N4BP2L1: variants seen among roughly 807,000 people sequenced by gnomAD.
N4BP2L1 encodes NEDD4 binding protein 2 like 1.
In N4BP2L1, 12 loss-of-function variants were observed where a neutral mutation model predicts 21.2. The ratio of observed to expected loss-of-function variants is 0.57; its 90% CI spans 0.36 to 0.92. The LOEUF (loss-of-function observed/expected upper bound fraction) is 0.92, where lower values mean the gene tolerates loss of function less well. Among genes scored for constraint, N4BP2L1 ranks in the 40% least tolerant of loss-of-function variants. N4BP2L1 has a pLI of 0.01. For missense variants in N4BP2L1, 259 were observed against 310.6 expected, an observed-to-expected ratio of 0.83 and a Z score of 1.25; for synonymous variants, 104 against 112.8, an observed-to-expected ratio of 0.92 and a Z score of 0.49.
intron 3 of N4BP2L1, 85 bp downstream of exon 3, chr13:32,407,165 C>A (rs1290403732): frequency 7.5e-7 from 1 of 1,335,632 alleles, no homozygotes; most frequent in Non-Finnish European, 1.1e-6. Context: ...AATCATGGAA[C>A]ATCAGAAAAA....
intron 4 of N4BP2L1, 171 bp downstream of exon 4, chr13:32,404,150 A>G (rs1404913695): frequency 1.2e-6 from 2 of 1,609,060 alleles, no homozygotes; most frequent in African/African-American, 2.7e-5. Context: ...AACTGACCCA[A>G]AACTAAAGTC....
At chr13:32,407,595 A>G in intron 2 of N4BP2L1, 50 bp downstream of exon 2, 1 of 1,608,716 alleles carries the variant, frequency 6.2e-7, no homozygotes, top group Non-Finnish European at 8.5e-7. Context: ...AGCAGCTACA[A>G]TCTATGTGCA....
chr13:32,415,215 C>T (rs1428805143), intron 1 of N4BP2L1, among the ~76,000 whole-genome samples: 2 of 152,110 alleles, frequency 1.3e-5, no homozygotes, highest in African/African-American at 4.8e-5. Flanking sequence ...TCCTAGTGGC[C>T]ACTGCAGGGC....
intron 1 of N4BP2L1, among the ~76,000 whole-genome samples, chr13:32,414,890 A>G (rs1277254536): frequency 1.3e-5 from 2 of 152,196 alleles, no homozygotes; most frequent in Non-Finnish European, 1.5e-5. Flanking sequence ...GCTCTTGCAG[A>G]TCTGAGAAAG....
chr13:32,403,012 C>T lies in N4BP2L1; in HGVS notation c.662G>A (p.Arg221Gln), dbSNP rs540784451. Residue 221 changes from arginine to glutamine, a missense_variant, in exon 5 of 5, where the codon CGG becomes CAG. Transcript: ENST00000380130. ...YWNSYTEFPN[R>Q]RAHGGFTNES... ...ATTTGTAAATCCACCGTGGGCCCTC[C>T]GGTTTGGAAACTCTGTGTAGGAATT... 41 of 1,614,092 alleles carry T rather than the reference C, an allele frequency of 2.5e-5. No homozygotes were observed. The African/African-American group carries it at 2.7e-4, about 10-fold the overall frequency.
At chr13:32,426,402 C>A (rs1201562029) in intron 1 of N4BP2L1, among the ~76,000 whole-genome samples, 1 of 152,158 alleles carries the variant, frequency 6.6e-6, no homozygotes, top group Non-Finnish European at 1.5e-5. Context: ...CTCCCCGACT[C>A]TGCCTCTGTC....
intron 1 of N4BP2L1, chr13:32,411,610 T>C: frequency 1.0e-6 from 1 of 985,178 alleles, no homozygotes; most frequent in Non-Finnish European, 1.2e-6. Flanking sequence ...ATTAGGGAAA[T>C]TGAGAGAATG....
At chr13:32,410,989 C>G (rs1014535300) in intron 1 of N4BP2L1, among the ~76,000 whole-genome samples, 4 of 152,132 alleles carry the variant, frequency 2.6e-5, no homozygotes, top group Non-Finnish European at 1.5e-5. Context: ...CCCTTATCTG[C>G]TCTTGTTTTC....
At chr13:32,407,587 C>T in intron 2 of N4BP2L1, 58 bp downstream of exon 2, 2 of 1,607,418 alleles carry the variant, frequency 1.2e-6, no homozygotes, top group Non-Finnish European at 1.7e-6. Context: ...CATTCTGCAG[C>T]AGCTACAATC....
intron 1 of N4BP2L1, among the ~76,000 whole-genome samples, chr13:32,420,177 C>T (rs1593299184): frequency 6.6e-6 from 1 of 152,270 alleles, no homozygotes; most frequent in South Asian, 2.1e-4. Context: ...TTCATGAGGT[C>T]CAAAGCCAGG....
In N4BP2L1 at chr13:32,400,877, G is replaced by A. The variant is rs984411795; in HGVS notation, c.*2065C>T. On this transcript the variant is annotated 3_prime_UTR_variant, in exon 5 of 5. Coordinates refer to ENST00000380130, the MANE Select transcript of N4BP2L1 (RefSeq NM_052818.3). ...AGAGTTACACAAATCAGAAGCCATG[G>A]GAGTTGAAAAACAGATCACTTCTAC... The A allele has an allele frequency of 6.6e-6, 1 of 152,192 alleles. No homozygotes were observed. Among genetic ancestry groups the A allele is most frequent in the Admixed American group, 6.5e-5 (1 of 15,278 alleles). The allele number at this position is 152,192 out of a possible 1,614,324, so 9.4% of individuals were successfully genotyped here.
chr13:32,424,874 T>C (rs1011639626), intron 1 of N4BP2L1: 2 of 152,172 alleles, frequency 1.3e-5, no homozygotes, highest in African/African-American at 4.8e-5. Flanking sequence ...TATGAAAACA[T>C]GTAAAAAGCA....
In N4BP2L1 at chr13:32,401,048, TCTC is replaced by T. The variant is rs1300405405; in HGVS notation, c.*1891_*1893del. The T allele has an allele frequency of 1.3e-5, 2 of 152,116 alleles. No homozygotes were observed. Among genetic ancestry groups the T allele is most frequent in the East Asian group, 3.9e-4 (2 of 5,192 alleles). The allele number at this position is 152,116 out of a possible 1,614,324, so 9.4% of individuals were successfully genotyped here. ...AAAAGTTATGTAACCCAGAGCCACT[TCTC>T]CATAGTGGTCACTCACTTAACCCAA... is the stretch of plus-strand genomic sequence containing the variant. On this transcript the variant is annotated 3_prime_UTR_variant, in exon 5 of 5. Transcript: ENST00000380130.
At chr13:32,421,305 C>A (rs1023661683) in intron 1 of N4BP2L1, among the ~76,000 whole-genome samples, 1 of 152,110 alleles carries the variant, frequency 6.6e-6, no homozygotes, top group Non-Finnish European at 1.5e-5. Flanking sequence ...GAAAAGAAAG[C>A]CAAGGTACAA....
At chr13:32,409,001 G>T (rs569766297) in intron 1 of N4BP2L1, among the ~76,000 whole-genome samples, 10 of 152,180 alleles carry the variant, frequency 6.6e-5, no homozygotes, top group Admixed American at 6.5e-4. Context: ...AGACTGAAAT[G>T]AGGCCAGTAT....
chr13:32,406,052 G>A (rs1215729826), intron 3 of N4BP2L1, among the ~76,000 whole-genome samples: 1 of 151,046 alleles, frequency 6.6e-6, no homozygotes, highest in Non-Finnish European at 1.5e-5. Context: ...ACAGGCGCCT[G>A]CCACCACGCC....
In N4BP2L1 at chr13:32,407,631, A is replaced by C; in HGVS notation, c.307+14T>G. On this transcript the variant is annotated intron_variant, in intron 2 of 4. Transcript: ENST00000380130. Reference sequence around the variant, plus strand: ...CATCAGGGTTTCCCAGGAGTTTGGGAAGGAATTTGTCACCTCTTTTTTGGT... The same window carrying C: ...CATCAGGGTTTCCCAGGAGTTTGGGCAGGAATTTGTCACCTCTTTTTTGGT... The C allele has an allele frequency of 6.2e-7, 1 of 1,612,290 alleles. No homozygotes were observed. Among genetic ancestry groups the C allele is most frequent in the Non-Finnish European group, 8.5e-7 (1 of 1,180,008 alleles).
chr13:32,425,197 TC>T (rs1395651131), intron 1 of N4BP2L1: 3 of 152,200 alleles, frequency 2.0e-5, no homozygotes, highest in Non-Finnish European at 4.4e-5. Context: ...CTTTTCTTCT[TC>T]CCCACCCTAC....
upstream of N4BP2L1, among the ~76,000 whole-genome samples, chr13:32,428,955 C>T (rs1045278571): frequency 6.6e-6 from 1 of 152,216 alleles, no homozygotes; most frequent in African/African-American, 2.4e-5. Flanking sequence ...CAACAGTTCA[C>T]CCTCAAGAGC....
Sources: allele counts gnomAD v4.1 joint callset (sites outside exome capture counted in the v4.1 genomes callset), GRCh38; gene constraint gnomAD v4.1.1; transcripts MANE v1.5; gene names NCBI Gene and HGNC (gene_info 2026-07-23, HGNC 2026-07-21).